Variants in SIL1 observed in about 807,000 individuals in gnomAD.
The protein encoded by SIL1 is nucleotide exchange factor SIL1.
Under a neutral mutation model 49.1 loss-of-function variants are expected in SIL1, and 40 were observed. The observed-to-expected ratio is 0.81, with a 90% CI of 0.63 to 1.06. The LOEUF (loss-of-function observed/expected upper bound fraction) is 1.06. SIL1 is among the 50% of genes least tolerant of loss of function. The pLI, the probability that SIL1 is intolerant of heterozygous loss-of-function variation, is 0.00. For missense variants in SIL1, 500 were observed against 572.6 expected, an observed-to-expected ratio of 0.87 and a Z score of 1.29; for synonymous variants, 253 against 250.8, an observed-to-expected ratio of 1.01 and a Z score of -0.08.
In SIL1 at chr5:139,017,920, TGAA is replaced by T. The variant is rs145403564; in HGVS notation, c.767+3248_767+3250del. ...AGAAAGGCCAATGAAAGTATTTACT[TGAA>T]GAAGGAGAAAGCAGGTTTGAGATAA... On this transcript the variant is annotated intron_variant, in intron 7 of 9. Transcript: ENST00000394817. Among the ~76,000 whole-genome samples the T allele has an allele frequency of 5.5e-3, 832 of 152,210 alleles. 4 individuals carry two copies. The highest frequency in any genetic ancestry group is 0.019 in the African/African-American group (797 of 41,518).
At chr5:139,027,815 A>C (rs189927781) in intron 5 of SIL1, among the ~76,000 whole-genome samples, 2 of 152,204 alleles carry the variant, frequency 1.3e-5, no homozygotes, top group Admixed American at 6.5e-5. Flanking sequence ...AAAGGCACAG[A>C]TATTTATAAA....
chr5:139,184,024 G>A (rs1320763570), intron 1 of SIL1, among the ~76,000 whole-genome samples: 1 of 152,162 alleles, frequency 6.6e-6, no homozygotes, highest in African/African-American at 2.4e-5. Context: ...CTCCTAAAAG[G>A]TATTGCCCCA....
chr5:139,109,994 C>A (rs1339669130), intron 3 of SIL1, among the ~76,000 whole-genome samples: 1 of 151,766 alleles, frequency 6.6e-6, no homozygotes, highest in East Asian at 1.9e-4. Context: ...CATGGTGAAA[C>A]CCCGTCTCTA....
rs1750847126 is a variant in SIL1 at position 139,130,707 on chromosome 5, C to T, written c.-10-2854G>A. Among the ~76,000 whole-genome samples, 6 of 152,142 alleles carry T rather than the reference C, an allele frequency of 3.9e-5. No individual in the cohort carries two copies. In the South Asian group the frequency reaches 1.2e-3, roughly 32 times the overall value. ...GTTCATTGCAGCATTATTCACGATACCCAAAAGGTGGAAACAATCCAAGTG... is the reference window on the plus strand; with the variant it reads ...GTTCATTGCAGCATTATTCACGATATCCAAAAGGTGGAAACAATCCAAGTG... On this transcript the variant is annotated intron_variant, in intron 1 of 9. Transcript: ENST00000394817.
chr5:139,173,668 C>T (rs1403360469), intron 1 of SIL1, among the ~76,000 whole-genome samples: 1 of 151,330 alleles, frequency 6.6e-6, no homozygotes, highest in Admixed American at 6.6e-5. Context: ...AAAGATCAGC[C>T]AGGCACGGTG....
rs1291674241 is a variant in SIL1, at chr5:138,948,092, T to C, written c.1030-619A>G. ...ATCTCCCGTGCAGCTGTAGGAAGTGTGCCTGTATGGAGAAAGAAGGAATGC... is the reference window on the plus strand; with the variant it reads ...ATCTCCCGTGCAGCTGTAGGAAGTGCGCCTGTATGGAGAAAGAAGGAATGC... On this transcript the variant is annotated intron_variant, in intron 9 of 9. Transcript: ENST00000394817. The surrounding 1 kb of genome is among the most constrained non-coding windows in gnomAD (Gnocchi z 4.8). Among the ~76,000 whole-genome samples, 1 of 152,118 alleles carries C rather than the reference T, an allele frequency of 6.6e-6. No individual in the cohort carries two copies. Among genetic ancestry groups the C allele is most frequent in the African/African-American group, 2.4e-5 (1 of 41,404 alleles).
Position 139,169,503 on chromosome 5 carries a change from GTC to G in SIL1, c.-11+28764_-11+28765del, listed in dbSNP as rs1430782421. Among the ~76,000 whole-genome samples, 9 of 146,614 alleles carry G rather than the reference GTC, an allele frequency of 6.1e-5. No homozygotes were observed. The Admixed American group carries it at 6.1e-4, about 10-fold the overall frequency. On this transcript the variant is annotated intron_variant, in intron 1 of 9. Coordinates refer to ENST00000394817, the MANE Select transcript of SIL1 (RefSeq NM_022464.5). ...TTTTTTTTTTTTTTTTTGAGACAGA[GTC>G]TTGCTCTATTGCCCAGGCTGGACTG...
In SIL1 at chr5:139,056,632, CAAG is replaced by C. The variant is rs1368856548; in HGVS notation, c.245-5589_245-5587del. Among the ~76,000 whole-genome samples the C allele has an allele frequency of 5.9e-4, 87 of 147,582 alleles. 1 individual carries two copies. The Middle Eastern group carries it at 0.01, about 18-fold the overall frequency. On this transcript the variant is annotated intron_variant, in intron 3 of 9. Transcript: ENST00000394817. ...CCCCCCGCCCGGCCAGCCGCCCCAT[CAAG>C]GAGGGAGGTGGGGGGGTCAGCCCCC...
Position 138,947,198 on chromosome 5 carries a change from C to T in SIL1, c.1305G>A (p.Leu435=). Reference sequence around the variant, plus strand: ...CCTCGTCCTCACCATCCTGCAGCTCCAGGCTGGCCAGCACCTGGTACTCAG... The same window carrying T: ...CCTCGTCCTCACCATCCTGCAGCTCTAGGCTGGCCAGCACCTGGTACTCAG... The part of the protein sequence containing the change: ...LQAEYQVLAS[L]ELQDGEDEGY... The change falls in exon 10 of 10, where the codon CTG becomes CTA. Residue 435 remains leucine, a synonymous_variant. Transcript: ENST00000394817. This position sits in a 1 kb window ranked among gnomAD's most constrained non-coding sequence, Gnocchi z 4.1. 1.2e-6 allele frequency: 2 copies of T among 1,613,490 alleles called. No homozygotes were observed. The highest frequency in any genetic ancestry group is 1.7e-6 in the Non-Finnish European group (2 of 1,179,920).
At chr5:139,071,935 G>A (rs1769843859) in intron 3 of SIL1, among the ~76,000 whole-genome samples, 2 of 152,030 alleles carry the variant, frequency 1.3e-5, no homozygotes, top group South Asian at 4.2e-4. Flanking sequence ...AAAGTGCTGG[G>A]ATTACAGTCA....
At chr5:139,100,049 A>C (rs1770553175) in intron 3 of SIL1, among the ~76,000 whole-genome samples, 1 of 152,192 alleles carries the variant, frequency 6.6e-6, no homozygotes, top group African/African-American at 2.4e-5. Flanking sequence ...CCTCATAAAT[A>C]TATACACCTA....
At chr5:139,064,612 T>A (rs965723711) in intron 3 of SIL1, among the ~76,000 whole-genome samples, 1 of 152,238 alleles carries the variant, frequency 6.6e-6, no homozygotes, top group Admixed American at 6.5e-5. Flanking sequence ...GTTTAAAGTT[T>A]TGGATCGTTG....
At chr5:139,045,327 G>A (rs985155696) in intron 4 of SIL1, among the ~76,000 whole-genome samples, 1 of 152,000 alleles carries the variant, frequency 6.6e-6, no homozygotes, top group Non-Finnish European at 1.5e-5. Context: ...CAGTCTGGGC[G>A]ACAAAGCAAA....
At chr5:139,004,010 G>A (rs1011017441) in intron 7 of SIL1, among the ~76,000 whole-genome samples, 1 of 152,164 alleles carries the variant, frequency 6.6e-6, no homozygotes, top group African/African-American at 2.4e-5. Flanking sequence ...AACCACAGTG[G>A]AAACAGCTGT....
intron 3 of SIL1, among the ~76,000 whole-genome samples, chr5:139,054,848 A>T (rs371277666): frequency 1.3e-5 from 2 of 152,328 alleles, no homozygotes; most frequent in East Asian, 3.9e-4. Context: ...TTCATTTAAA[A>T]TATACTAAAC....
chr5:139,192,422 G>A (rs1043083732), intron 1 of SIL1, among the ~76,000 whole-genome samples: 1 of 152,132 alleles, frequency 6.6e-6, no homozygotes, highest in Non-Finnish European at 1.5e-5. Context: ...GATGATAAGT[G>A]GTAACCAAAA....
At chr5:139,048,176 G>A (rs983108371) in intron 4 of SIL1, among the ~76,000 whole-genome samples, 14 of 151,526 alleles carry the variant, frequency 9.2e-5, no homozygotes, top group African/African-American at 3.4e-4. Flanking sequence ...TTTCAGATAG[G>A]GTCTCACTGT....
At chr5:139,024,705 GC>G in intron 6 of SIL1, among the ~76,000 whole-genome samples, 1 of 152,172 alleles carries the variant, frequency 6.6e-6, no homozygotes, top group East Asian at 1.9e-4. Flanking sequence ...CTTCTACCAA[GC>G]CCCCCACCTG....
At chr5:139,107,569 T>C (rs1396036532) in intron 3 of SIL1, among the ~76,000 whole-genome samples, 1 of 152,204 alleles carries the variant, frequency 6.6e-6, no homozygotes, top group Non-Finnish European at 1.5e-5. Flanking sequence ...TGTTTTTCTC[T>C]CTTGCACAGT....
Sources: allele counts gnomAD v4.1 joint callset (sites outside exome capture counted in the v4.1 genomes callset), GRCh38; gene constraint gnomAD v4.1.1; non-coding constraint Gnocchi (gnomAD v3.1); transcripts MANE v1.5; gene names NCBI Gene and HGNC (gene_info 2026-07-23, HGNC 2026-07-21).